FZD3: variants seen among roughly 807,000 people sequenced by gnomAD.
FZD3 encodes the protein frizzled-3.
Under a neutral mutation model 60.7 loss-of-function variants are expected in FZD3, and 30 were observed. That is an observed-to-expected ratio of 0.49 (90% CI 0.37 to 0.67). The LOEUF (loss-of-function observed/expected upper bound fraction) is 0.67. Among genes scored for constraint, FZD3 ranks in the 30% least tolerant of loss-of-function variants. The probability of loss-of-function intolerance (pLI) is 0.00; values close to 1 mark genes in which losing one functional copy is unlikely to be tolerated. For synonymous variants in FZD3, 246 were observed against 275.2 expected (o/e 0.89, Z 1.05); for missense variants, 605 against 838.7 (o/e 0.72, Z 3.44).
intron 5 of FZD3, among the ~76,000 whole-genome samples, chr8:28,538,293 T>C (rs1355838024): frequency 6.6e-6 from 1 of 152,126 alleles, no homozygotes; most frequent in East Asian, 1.9e-4. Flanking sequence ...ATAATTTTAG[T>C]ATTTTATGAG....
At chr8:28,517,119 G>C (rs1445971471) in intron 3 of FZD3, among the ~76,000 whole-genome samples, 1 of 151,962 alleles carries the variant, frequency 6.6e-6, no homozygotes, top group East Asian at 1.9e-4. Context: ...GAACTTTCAA[G>C]CATTTCTTTT....
At position 28,563,520 on chromosome 8, in the gene FZD3, A is replaced by G. The variant is rs967105676; in HGVS notation, c.*509A>G. ...TGTTTTTAAACTGTAGGAGAATTTA[A>G]TAAATCAGCAAGGGTATTTTAGCTA... On this transcript the variant is annotated 3_prime_UTR_variant, in exon 8 of 8. Transcript: ENST00000240093. 6 of 156,138 alleles carry G rather than the reference A, an allele frequency of 3.8e-5. No homozygotes were observed. The highest frequency in any genetic ancestry group is 1.4e-4 in the African/African-American group (6 of 41,594). 9.7% of individuals were successfully genotyped at this position (156,138 alleles called of 1,614,324 possible).
chr8:28,501,839 G>A (rs1236072966), intron 2 of FZD3, among the ~76,000 whole-genome samples: 3 of 152,188 alleles, frequency 2.0e-5, no homozygotes, highest in South Asian at 2.1e-4. Context: ...ATGACCGTTC[G>A]TTGATGAAAT....
chr8:28,523,461 G>A (rs530872080), intron 4 of FZD3, among the ~76,000 whole-genome samples: 245 of 152,056 alleles, frequency 1.6e-3, no homozygotes, highest in Non-Finnish European at 1.7e-3. Flanking sequence ...ATAGGATCTC[G>A]CTGTGTTGCC....
At chr8:28,519,565 A>T (rs1367272214) in intron 3 of FZD3, among the ~76,000 whole-genome samples, 1 of 151,992 alleles carries the variant, frequency 6.6e-6, no homozygotes, top group African/African-American at 2.4e-5. Flanking sequence ...CCCTGTCTTT[A>T]CAAAAAATAC....
Position 28,503,104 on chromosome 8 carries a change from A to G in FZD3, c.91A>G (p.Ile31Val), listed in dbSNP as rs777708535. The G allele has an allele frequency of 8.7e-6, 14 of 1,613,006 alleles. No homozygotes were observed. The highest frequency in any genetic ancestry group is 4.5e-5 in the East Asian group (2 of 44,872). The change falls in exon 3 of 8, where the codon ATT becomes GTT. Residue 31 changes from isoleucine (I) to valine (V), a missense_variant. Physicochemically the swap from Ile to Val is conservative, Grantham distance 29 (BLOSUM62 3). Coordinates refer to ENST00000240093, the MANE Select transcript of FZD3 (RefSeq NM_017412.4). ...GCACAGTTTGTTTTCTTGTGAACCTATTACCTTGAGGATGTGCCAAGATTT... is the reference window on the plus strand; with the variant it reads ...GCACAGTTTGTTTTCTTGTGAACCTGTTACCTTGAGGATGTGCCAAGATTT... ...GGHSLFSCEP[I>V]TLRMCQDLPY... is the part of the protein sequence containing the mutation.
intron 3 of FZD3, chr8:28,504,971 G>T (rs146429871): frequency 6.5e-6 from 1 of 152,798 alleles, no homozygotes; most frequent in East Asian, 1.9e-4. Context: ...ACCTAAGTGA[G>T]TAATAGTTTC....
chr8:28,506,190 A>G (rs1043715685), intron 3 of FZD3, among the ~76,000 whole-genome samples: 2 of 152,210 alleles, frequency 1.3e-5, no homozygotes, highest in Non-Finnish European at 2.9e-5. Flanking sequence ...TCTAGTGGTA[A>G]TAAAAGAGAT....
At chr8:28,505,829 G>A (rs1051198704) in intron 3 of FZD3, among the ~76,000 whole-genome samples, 1 of 152,192 alleles carries the variant, frequency 6.6e-6, no homozygotes, top group Non-Finnish European at 1.5e-5. Flanking sequence ...TACATACTCT[G>A]TACTTTTATT....
At position 28,572,183 on chromosome 8, in the gene FZD3, T is replaced by C. The variant is rs535213895; in HGVS notation, c.*9172T>C. The C allele has an allele frequency of 1.3e-5, 2 of 152,340 alleles. No homozygotes were observed. The highest frequency in any genetic ancestry group is 3.9e-4 in the East Asian group (2 of 5,192). 9.4% of individuals were successfully genotyped at this position (152,340 alleles called of 1,614,324 possible). A position where few individuals can be genotyped will look rare whatever the true frequency, so the allele number is the denominator to read the frequency against. On this transcript the variant is annotated 3_prime_UTR_variant, in exon 8 of 8. Coordinates refer to ENST00000240093, the MANE Select transcript of FZD3 (RefSeq NM_017412.4). ...AGAGTCAGGACAAGGAGGTTTTTGC[T>C]ACATGGTCGTAGTTGGATAATACAG...
intron 5 of FZD3, among the ~76,000 whole-genome samples, chr8:28,533,335 C>T (rs889694756): frequency 6.6e-6 from 1 of 152,100 alleles, no homozygotes; most frequent in African/African-American, 2.4e-5. Context: ...CTGCTCCCAC[C>T]AAAGATTATC....
intron 7 of FZD3, among the ~76,000 whole-genome samples, chr8:28,561,132 C>G (rs1805605453): frequency 6.6e-6 from 1 of 152,232 alleles, no homozygotes; most frequent in African/African-American, 2.4e-5. Context: ...TCTCGGCTCA[C>G]TGCAACCTCC....
chr8:28,515,543 C>G (rs1471458853), intron 3 of FZD3, among the ~76,000 whole-genome samples: 3 of 152,198 alleles, frequency 2.0e-5, no homozygotes, highest in African/African-American at 7.2e-5. Flanking sequence ...CAGTAGCCTG[C>G]TAGCACTTGG....
At chr8:28,546,953 G>C (rs529338333) in intron 5 of FZD3, among the ~76,000 whole-genome samples, 1 of 150,660 alleles carries the variant, frequency 6.6e-6, no homozygotes, top group Non-Finnish European at 1.5e-5. Context: ...CTGGGCGACA[G>C]AGCGAGACTC....
intron 3 of FZD3, among the ~76,000 whole-genome samples, chr8:28,507,463 A>G (rs895637227): frequency 4.6e-5 from 7 of 152,176 alleles, no homozygotes; most frequent in African/African-American, 1.4e-4. Flanking sequence ...TGCCAGGAGC[A>G]CATAATATTA....
chr8:28,571,876 T>G lies in FZD3; in HGVS notation c.*8865T>G, dbSNP rs991296696. The G allele has an allele frequency of 6.6e-6, 1 of 152,180 alleles. No individual in the cohort carries two copies. The highest frequency in any genetic ancestry group is 2.4e-5 in the African/African-American group (1 of 41,448). The allele number at this position is 152,180 out of a possible 1,614,324, so 9.4% of individuals were successfully genotyped here. A position where few individuals can be genotyped will look rare whatever the true frequency, so the allele number is the denominator to read the frequency against. Reference sequence around the variant, plus strand: ...ATTTAATAGAACAATGGAAGCTGTTTCGTCAAAATTAAAATACTTTACCAA... The same window carrying G: ...ATTTAATAGAACAATGGAAGCTGTTGCGTCAAAATTAAAATACTTTACCAA... On this transcript the variant is annotated 3_prime_UTR_variant, in exon 8 of 8. Transcript: ENST00000240093.
At chr8:28,528,228 A>G in intron 5 of FZD3, 64 bp downstream of exon 5, 1 of 1,225,850 alleles carries the variant, frequency 8.2e-7, no homozygotes, top group Non-Finnish European at 1.1e-6. Flanking sequence ...TATTACTATA[A>G]TGAGTTAATA....
chr8:28,543,778 A>T (rs920672274), intron 5 of FZD3, among the ~76,000 whole-genome samples: 4 of 152,126 alleles, frequency 2.6e-5, no homozygotes, highest in Admixed American at 2.0e-4. Flanking sequence ...AATATAATAG[A>T]TTTTTTAATC....
Position 28,563,317 on chromosome 8 carries a change from G to T in FZD3, c.*306G>T, listed in dbSNP as rs915632698. 5 of 337,362 alleles carry T rather than the reference G, an allele frequency of 1.5e-5. No homozygotes were observed. Among genetic ancestry groups the T allele is most frequent in the African/African-American group, 1.1e-4 (5 of 47,220 alleles). The allele number at this position is 337,362 out of a possible 1,614,324, so 20.9% of individuals were successfully genotyped here. On this transcript the variant is annotated 3_prime_UTR_variant, in exon 8 of 8. Coordinates refer to ENST00000240093, the MANE Select transcript of FZD3 (RefSeq NM_017412.4). ...TTTTATATTTAGAAAAATCCTAAAT[G>T]TGTGGTGACTGCTTTGTAGTGAACT...
Sources: allele counts gnomAD v4.1 joint callset (sites outside exome capture counted in the v4.1 genomes callset), GRCh38; gene constraint gnomAD v4.1.1; transcripts MANE v1.5; gene names NCBI Gene and HGNC (gene_info 2026-07-23, HGNC 2026-07-21).